The following VPS13B variants were observed in gnomAD, a reference collection of about 807,000 sequenced individuals.
VPS13B encodes the protein vacuolar protein sorting 13 homolog B.
In VPS13B, 285 loss-of-function variants were observed where a neutral mutation model predicts 426.4. That is an observed-to-expected ratio of 0.67 (90% CI 0.61 to 0.74). The LOEUF (loss-of-function observed/expected upper bound fraction) is 0.74. VPS13B is among the 30% of genes least tolerant of loss of function. VPS13B has a pLI of 0.00. For synonymous variants in VPS13B, 1,676 were observed against 1,676.4 expected, an observed-to-expected ratio of 1.00 and a Z score of 0.01; for missense variants, 4,537 against 4,782.6, an observed-to-expected ratio of 0.95 and a Z score of 1.51.
intron 44 of VPS13B, among the ~76,000 whole-genome samples, chr8:99,810,401 C>T (rs551289871): frequency 4.0e-4 from 61 of 152,318 alleles, no homozygotes; most frequent in African/African-American, 1.4e-3. Context: ...AGGGGAGCTT[C>T]CCCTATGGAG....
At chr8:99,050,352 A>G (rs1804731723) in intron 3 of VPS13B, among the ~76,000 whole-genome samples, 1 of 152,286 alleles carries the variant, frequency 6.6e-6, no homozygotes, top group Middle Eastern at 3.4e-3. Context: ...TGTCCCTACA[A>G]AGGACATGAA....
At chr8:99,443,351 C>G (rs1048849534) in intron 23 of VPS13B, among the ~76,000 whole-genome samples, 1 of 152,134 alleles carries the variant, frequency 6.6e-6, no homozygotes, top group Non-Finnish European at 1.5e-5. Context: ...ACTGAAATTT[C>G]TACATACTGT....
At chr8:99,788,077 T>C (rs1453937141) in intron 43 of VPS13B, among the ~76,000 whole-genome samples, 1 of 151,822 alleles carries the variant, frequency 6.6e-6, no homozygotes, top group African/African-American at 2.4e-5. Context: ...AAACTACAGG[T>C]CAGGCATAGT....
chr8:99,621,784 A>C (rs1014901719), intron 33 of VPS13B, among the ~76,000 whole-genome samples: 1 of 132,430 alleles, frequency 7.6e-6, no homozygotes, highest in African/African-American at 2.8e-5. Context: ...ATCTACATTC[A>C]TTCCTTTTTT....
chr8:99,482,609 A>G (rs1040035716), intron 25 of VPS13B, among the ~76,000 whole-genome samples: 5 of 152,224 alleles, frequency 3.3e-5, no homozygotes, highest in Admixed American at 3.3e-4. Context: ...TGTTGGTGAC[A>G]TGATTTTCTA....
At chr8:99,729,974 C>G (rs2130397421) in intron 39 of VPS13B, among the ~76,000 whole-genome samples, 1 of 152,324 alleles carries the variant, frequency 6.6e-6, no homozygotes, top group Middle Eastern at 3.4e-3. Flanking sequence ...GATGGCACTA[C>G]AAAAAGAGAA....
chr8:99,447,071 G>T (rs926721552), intron 23 of VPS13B, among the ~76,000 whole-genome samples: 4 of 151,982 alleles, frequency 2.6e-5, no homozygotes, highest in African/African-American at 4.8e-5. Context: ...GCTGACTCTT[G>T]CCTACTATAC....
chr8:99,015,250 T>G (rs1841549031), intron 2 of VPS13B, among the ~76,000 whole-genome samples: 1 of 144,680 alleles, frequency 6.9e-6, no homozygotes, highest in South Asian at 2.2e-4. Flanking sequence ...GGAGTCTTGC[T>G]CTGTTGCCCA....
At chr8:99,238,374 G>A (rs772666028) in intron 17 of VPS13B, among the ~76,000 whole-genome samples, 3 of 152,122 alleles carry the variant, frequency 2.0e-5, no homozygotes, top group Non-Finnish European at 4.4e-5. Flanking sequence ...ACAATTAAAT[G>A]TTTAAATATT....
At chr8:99,490,880 GT>G (rs1820571130) in intron 25 of VPS13B, among the ~76,000 whole-genome samples, 1 of 152,002 alleles carries the variant, frequency 6.6e-6, no homozygotes, top group Admixed American at 6.5e-5. Flanking sequence ...TTTTTGAAGG[GT>G]TTTTTGTGTC....
chr8:99,592,345 G>C (rs1349047802), intron 33 of VPS13B, among the ~76,000 whole-genome samples: 2 of 152,028 alleles, frequency 1.3e-5, no homozygotes, highest in Non-Finnish European at 2.9e-5. Flanking sequence ...TCTCTGTCCT[G>C]CTTTGTTCCA....
chr8:99,581,845 G>C (rs1826077088), intron 33 of VPS13B, among the ~76,000 whole-genome samples: 1 of 152,132 alleles, frequency 6.6e-6, no homozygotes, highest in South Asian at 2.1e-4. Flanking sequence ...ATATTACAAA[G>C]TACATTTCCT....
chr8:99,622,598 T>A (rs1367043410), intron 33 of VPS13B, among the ~76,000 whole-genome samples: 1 of 152,214 alleles, frequency 6.6e-6, no homozygotes, highest in Non-Finnish European at 1.5e-5. Context: ...CTACAGATAA[T>A]TTTATAATGA....
At chr8:99,072,443 A>G (rs1844899238) in intron 3 of VPS13B, among the ~76,000 whole-genome samples, 1 of 152,096 alleles carries the variant, frequency 6.6e-6, no homozygotes, top group Non-Finnish European at 1.5e-5. Context: ...GGTTGAGGGC[A>G]TCCAAGTTGC....
chr8:99,796,747 G>A (rs1812844444), intron 43 of VPS13B: 1 of 152,304 alleles, frequency 6.6e-6, no homozygotes, highest in Non-Finnish European at 1.5e-5. Flanking sequence ...TCAGGGCTGG[G>A]TGGTCTACAA....
intron 2 of VPS13B, among the ~76,000 whole-genome samples, chr8:99,016,586 CTTTTTTTTTTT>C (rs754060289): frequency 1.6e-5 from 1 of 60,730 alleles, no homozygotes; most frequent in Non-Finnish European, 3.0e-5. Flanking sequence ...TATAGGAATT[CTTTTTTTTTTT>C]TTTTTTTTTT....
rs529372930 is a variant in VPS13B, at chr8:99,332,422, A to G, written c.2825-51786A>G. 2.0e-5 allele frequency among the ~76,000 whole-genome samples: 3 copies of G among 151,800 alleles called. No homozygotes were observed. In the East Asian group the frequency reaches 5.8e-4, roughly 29 times the overall value. On this transcript the variant is annotated intron_variant, in intron 19 of 61. Transcript: ENST00000357162. ...TATATGGCCACTTTATGCAAGTAAG[A>G]GAACAGTTAATTTTTTTTTGTTCAA...
intron 3 of VPS13B, among the ~76,000 whole-genome samples, chr8:99,067,023 G>T (rs1844558135): frequency 6.6e-6 from 1 of 152,180 alleles, no homozygotes; most frequent in African/African-American, 2.4e-5. Flanking sequence ...GTAGAAATAG[G>T]AACGCTTTTA....
chr8:99,558,197 G>A (rs1427168394), intron 31 of VPS13B, among the ~76,000 whole-genome samples: 2 of 151,972 alleles, frequency 1.3e-5, no homozygotes, highest in Admixed American at 6.6e-5. Flanking sequence ...AATCCTACCA[G>A]GTAATAACTG....
Sources: allele counts gnomAD v4.1 joint callset (sites outside exome capture counted in the v4.1 genomes callset), GRCh38; gene constraint gnomAD v4.1.1; transcripts MANE v1.5; gene names NCBI Gene and HGNC (gene_info 2026-07-23, HGNC 2026-07-21).